Variants in PCDHA10 observed in about 807,000 individuals in gnomAD.
PCDHA10 encodes the protein protocadherin alpha 10.
Under a neutral mutation model 61.2 loss-of-function variants are expected in PCDHA10, and 45 were observed. The observed-to-expected ratio is 0.74, with a 90% confidence interval of 0.58 to 0.94. The LOEUF is 0.94. PCDHA10 is among the 40% of genes least tolerant of loss of function. The pLI is 0.00. For missense variants in PCDHA10, 1,278 were observed against 1,236.2 expected (o/e 1.03, Z -0.51); for synonymous variants, 602 against 548.8 (o/e 1.10, Z -1.35).
chr5:140,987,730 C>CAA (rs2097266231), intron 3 of PCDHA10, among the ~76,000 whole-genome samples: 1 of 152,066 alleles, frequency 6.6e-6, no homozygotes, highest in African/African-American at 2.4e-5. Flanking sequence ...CCTACAGCTT[C>CAA]AAAATTTAGA....
At chr5:141,003,928 G>A (rs1479798792) in intron 3 of PCDHA10, among the ~76,000 whole-genome samples, 1 of 152,128 alleles carries the variant, frequency 6.6e-6, no homozygotes, top group Non-Finnish European at 1.5e-5. Context: ...CCTCAGTCTT[G>A]TCTTTGCCTG....
intron 3 of PCDHA10, among the ~76,000 whole-genome samples, chr5:141,005,828 T>A (rs752447584): frequency 6.7e-6 from 1 of 149,690 alleles, no homozygotes; most frequent in African/African-American, 2.5e-5. Context: ...TGGCCTGTAG[T>A]CCCAGCCACT....
At chr5:140,982,074 T>TAGAGAACCTAGGAACA (rs1554243726) in intron 2 of PCDHA10, among the ~76,000 whole-genome samples, 1 of 151,090 alleles carries the variant, frequency 6.6e-6, no homozygotes, top group Non-Finnish European at 1.5e-5. Flanking sequence ...TTCTTTAGAG[T>TAGAGAACCTAGGAACA]AGAGAACCTA....
chr5:140,919,706 C>T (rs2079272649), intron 1 of PCDHA10, among the ~76,000 whole-genome samples: 1 of 152,048 alleles, frequency 6.6e-6, no homozygotes, highest in African/African-American at 2.4e-5. Flanking sequence ...TAACTTAATT[C>T]TAGTGAGATA....
intron 1 of PCDHA10, chr5:140,869,974 T>G: frequency 6.2e-7 from 1 of 1,613,252 alleles, no homozygotes; most frequent in Non-Finnish European, 8.5e-7. Context: ...TGGAAGACAC[T>G]TATTTACACT....
chr5:140,901,611 T>C (rs1261733801), intron 1 of PCDHA10, among the ~76,000 whole-genome samples: 1 of 152,204 alleles, frequency 6.6e-6, no homozygotes, highest in Non-Finnish European at 1.5e-5. Flanking sequence ...ATCTCTATGG[T>C]ATAATTTGAA....
intron 1 of PCDHA10, chr5:140,967,059 C>A (rs2153750398): frequency 6.2e-7 from 1 of 1,612,750 alleles, no homozygotes; most frequent in Non-Finnish European, 8.5e-7. Context: ...ACGAGTGGAG[C>A]GCTCTTCGTC....
intron 1 of PCDHA10, among the ~76,000 whole-genome samples, chr5:140,899,002 G>T (rs1265936919): frequency 7.2e-4 from 110 of 151,880 alleles, no homozygotes; most frequent in African/African-American, 2.6e-3. Context: ...GTCTGTTATT[G>T]GTGTATAAGA....
At chr5:140,966,790 T>C in intron 1 of PCDHA10, 1 of 1,529,556 alleles carries the variant, frequency 6.5e-7, no homozygotes, top group Non-Finnish European at 8.8e-7. Context: ...GCACCAGACC[T>C]GCGGCGACAG....
intron 1 of PCDHA10, among the ~76,000 whole-genome samples, chr5:140,881,606 T>A (rs1554172306): frequency 6.6e-6 from 1 of 152,226 alleles, no homozygotes; most frequent in East Asian, 1.9e-4. Context: ...TAATATGATG[T>A]GCTTATTCAA....
Position 141,010,415 on chromosome 5 carries a change from C to T in PCDHA10, c.*478C>T. ...ACGAGCCAGCTTAGACTAATTGGTA[C>T]AAGGAAGGCAAGAAAACAAAGACAA... On this transcript the variant is annotated 3_prime_UTR_variant, in exon 4 of 4. Transcript: ENST00000307360. 1 of 1,160,734 alleles carries T rather than the reference C, an allele frequency of 8.6e-7. No homozygotes were observed. 71.9% of individuals were successfully genotyped at this position (1,160,734 alleles called of 1,614,324 possible).
At chr5:140,953,104 G>T (rs535123595) in intron 1 of PCDHA10, among the ~76,000 whole-genome samples, 1 of 152,244 alleles carries the variant, frequency 6.6e-6, no homozygotes, top group African/African-American at 2.4e-5. Flanking sequence ...CATGAGATTT[G>T]GGCAGGGACA....
intron 1 of PCDHA10, among the ~76,000 whole-genome samples, chr5:140,965,232 G>C (rs192008157): frequency 6.6e-5 from 10 of 152,194 alleles, no homozygotes; most frequent in Non-Finnish European, 1.0e-4. Context: ...GTGAGAACCT[G>C]GGAAGAGTGA....
rs372608018 is a variant in PCDHA10, at chr5:140,875,736, T to C, written c.2388+17300T>C. The C allele has an allele frequency of 2.5e-6, 4 of 1,614,088 alleles. No homozygotes were observed. The African/African-American group carries it at 4.0e-5, about 16-fold the overall frequency. ...AGAATGGCATTTTGTTTGTGAATTCTCGGATCGACCGCGAGAAGCTGTGCG... is the reference window on the plus strand; with the variant it reads ...AGAATGGCATTTTGTTTGTGAATTCCCGGATCGACCGCGAGAAGCTGTGCG... On this transcript the variant is annotated intron_variant, in intron 1 of 3. Transcript: ENST00000307360.
At chr5:140,966,030 A>C (rs1554227994) in intron 1 of PCDHA10, among the ~76,000 whole-genome samples, 4 of 152,164 alleles carry the variant, frequency 2.6e-5, no homozygotes, top group Admixed American at 6.5e-5. Context: ...AGTCAGGTGA[A>C]TAGTTCCCAT....
chr5:140,974,350 C>A (rs555781549), intron 1 of PCDHA10, among the ~76,000 whole-genome samples: 1 of 152,186 alleles, frequency 6.6e-6, no homozygotes, highest in African/African-American at 2.4e-5. Context: ...GCATCCAGAA[C>A]TAAACAGACC....
At chr5:140,987,690 T>C (rs4912736) in intron 3 of PCDHA10, among the ~76,000 whole-genome samples, 37,365 of 152,116 alleles carry the variant, frequency 0.25, 5,761 homozygotes, top group East Asian at 0.43. Context: ...AGTAGCTATT[T>C]TTAAATGATT....
In PCDHA10 at chr5:140,875,617, G is replaced by T; in HGVS notation, c.2388+17181G>T. On this transcript the variant is annotated intron_variant, in intron 1 of 3. Coordinates refer to ENST00000307360, the MANE Select transcript of PCDHA10 (RefSeq NM_018901.4). ...ACACGGCACCTTCGTGGGCCGCATC[G>T]CTCAGGACCTGGGGCTGGAGCTGGC... 1 of 1,613,780 alleles carries T rather than the reference G, an allele frequency of 6.2e-7. No homozygotes were observed. The highest frequency in any genetic ancestry group is 2.2e-5 in the East Asian group (1 of 44,888).
At chr5:140,868,908 CTTGGTG>C in intron 1 of PCDHA10, 1 of 882,188 alleles carries the variant, frequency 1.1e-6, no homozygotes, top group Non-Finnish European at 1.7e-6. Flanking sequence ...TCGCTCTTTA[CTTGGTG>C]GAAAGTTCAT....
Sources: gnomAD v4.1 joint callset for allele counts (sites outside exome capture counted in the v4.1 genomes callset) on GRCh38, gnomAD v4.1.1 for gene constraint, MANE v1.5 for transcripts, NCBI Gene and HGNC (gene_info 2026-07-23, HGNC 2026-07-21) for gene names.